The following NADK variants were observed in gnomAD, a reference collection of about 807,000 sequenced individuals.
NADK encodes the protein poly(P)/ATP NAD kinase.
Under a neutral mutation model 49.8 loss-of-function variants are expected in NADK, and 22 were observed. That is an observed-to-expected ratio of 0.44 (90% confidence interval 0.32 to 0.63). The LOEUF is 0.63. NADK is among the 30% of genes least tolerant of loss of function. NADK has a pLI of 0.06. For synonymous variants in NADK, 268 were observed against 253.7 expected, an observed-to-expected ratio of 1.06 and a Z score of -0.54; for missense variants, 438 against 609.4, an observed-to-expected ratio of 0.72 and a Z score of 2.96.
rs552575948 is a variant in NADK, at chr1:1,774,172, TAC to T, written c.-41+4115_-41+4116del. ...ATGTATGTGTGTGTGTGTATATATA[TAC>T]ACACACACACACACATATATATATA... On this transcript the variant is annotated intron_variant, in intron 1 of 11. Coordinates refer to ENST00000341426, the MANE Select transcript of NADK (RefSeq NM_023018.5). Among the ~76,000 whole-genome samples the T allele has an allele frequency of 6.6e-3, 986 of 150,330 alleles. 8 individuals carry two copies. The highest frequency in any genetic ancestry group is 0.011 in the Non-Finnish European group (732 of 67,534).
At chr1:1,776,013 T>C (rs1414385878) in intron 1 of NADK, among the ~76,000 whole-genome samples, 1 of 152,088 alleles carries the variant, frequency 6.6e-6, no homozygotes, top group Non-Finnish European at 1.5e-5. Context: ...GCCCTGTACC[T>C]TCCTGCCATG....
chr1:1,754,163 G>A lies in NADK; in HGVS notation c.989C>T (p.Ala330Val), dbSNP rs767646767. The change falls in exon 10 of 12, where the codon GCG (alanine) becomes GTG (valine). Residue 330 changes from alanine to valine, a missense_variant. Transcript: ENST00000341426. This position sits in a 1 kb window ranked among gnomAD's most constrained non-coding sequence, Gnocchi z 4.3. ...GGGGTGGATCATGGAGGCCCCGGCC[G>A]CGGCCGCATACGCCGTGCTGCCCGT... ...TPTGSTAYAA[A>V]AGASMIHPNV... 9 of 1,612,078 alleles carry A rather than the reference G, an allele frequency of 5.6e-6. No homozygotes were observed. The highest frequency in any genetic ancestry group is 1.1e-5 in the South Asian group (1 of 91,044).
rs1315467713 is a variant in NADK at position 1,752,662 on chromosome 1, G to C, written c.*242C>G. On this transcript the variant is annotated 3_prime_UTR_variant, in exon 12 of 12. Coordinates refer to ENST00000341426, the MANE Select transcript of NADK (RefSeq NM_023018.5). ...CCGCGCTCCAGGGACCCACCGCGGG[G>C]TGTCAGCAGGACAGAAGCACTCCCA... is the stretch of plus-strand genomic sequence containing the variant. 4.4e-6 allele frequency: 2 copies of C among 449,950 alleles called. No individual in the cohort carries two copies. The highest frequency in any genetic ancestry group is 7.9e-5 in the Admixed American group (2 of 25,230). The allele number at this position is 449,950 out of a possible 1,614,324, so 27.9% of individuals were successfully genotyped here.
rs182805281 is a variant in NADK at position 1,763,987 on chromosome 1, C to T, written c.179+1241G>A. Among the ~76,000 whole-genome samples the T allele has an allele frequency of 6.6e-5, 10 of 152,328 alleles. No homozygotes were observed. In the East Asian group the frequency reaches 1.9e-3, roughly 29 times the overall value. ...GCCTGGAGGTACAGGACAACGACCCCCACTGACAACGAGGCAACGAGGCAT... is the reference window on the plus strand; with the variant it reads ...GCCTGGAGGTACAGGACAACGACCCTCACTGACAACGAGGCAACGAGGCAT... On this transcript the variant is annotated intron_variant, in intron 2 of 11. Coordinates refer to ENST00000341426, the MANE Select transcript of NADK (RefSeq NM_023018.5).
In NADK at chr1:1,752,976, C is replaced by A. The variant is rs1557829324; in HGVS notation, c.1269G>T (p.Gln423His). 1 of 1,602,058 alleles carries A rather than the reference C, an allele frequency of 6.2e-7. No homozygotes were observed. The highest frequency in any genetic ancestry group is 8.5e-7 in the Non-Finnish European group (1 of 1,174,752). The change falls in exon 12 of 12, where the codon CAG becomes CAT. Residue 423 changes from glutamine (Q) to histidine (H), a missense_variant. Gln to His is a conservative substitution (Grantham distance 24). Coordinates refer to ENST00000341426, the MANE Select transcript of NADK (RefSeq NM_023018.5). ...TCTTCCGGACGTTCCAATGCAGGCA[C>A]TGGGCGAGGCTCTCAAACCAGTCGC... is the stretch of plus-strand genomic sequence containing the variant. ...PVSDWFESLAQCLHWNVRKKQ... is the reference protein window; with the variant it reads ...PVSDWFESLAHCLHWNVRKKQ...
intron 4 of NADK, 22 bp downstream of exon 4, chr1:1,757,159 C>CCTTCCCCCCTGCCCCG (rs1418500531): frequency 6.3e-7 from 1 of 1,599,824 alleles, no homozygotes; most frequent in Non-Finnish European, 8.5e-7. Context: ...CCCCAGGCCC[C>CCTTCCCCCCTGCCCCG]CTTCCCCCCT....
chr1:1,758,685 A>AC, intron 3 of NADK: 1 of 1,091,496 alleles, frequency 9.2e-7, no homozygotes, highest in Non-Finnish European at 1.2e-6. Context: ...CAAACAAAAC[A>AC]AAACAGTTTC....
intron 1 of NADK, among the ~76,000 whole-genome samples, chr1:1,770,319 A>T (rs1313172528): frequency 6.6e-6 from 1 of 152,218 alleles, no homozygotes; most frequent in Non-Finnish European, 1.5e-5. Context: ...GAAAAAAATA[A>T]AAGGTACAGT....
At chr1:1,777,025 C>T (rs574458931) in intron 1 of NADK, among the ~76,000 whole-genome samples, 1 of 152,230 alleles carries the variant, frequency 6.6e-6, no homozygotes, top group African/African-American at 2.4e-5. Context: ...TTACAGTGAG[C>T]TATAATCATG....
rs147892956 is a variant in NADK, at chr1:1,756,566, G to T, written c.436C>A (p.Pro146Thr). Residue 146 changes from proline to threonine, a missense_variant, in exon 5 of 12, where the codon CCT becomes ACT. Coordinates refer to ENST00000341426, the MANE Select transcript of NADK (RefSeq NM_023018.5). ...VYVEKKVLED[P>T]AIASDESFGA... The stretch of plus-strand genomic sequence containing the variant: ...AAGCTTTCATCGCTGGCGATGGCAG[G>T]GTCTTCTAGCACTTTCTTTTCCACA... 2 of 1,614,050 alleles carry T rather than the reference G, an allele frequency of 1.2e-6. No individual in the cohort carries two copies. The highest frequency in any genetic ancestry group is 8.5e-7 in the Non-Finnish European group (1 of 1,180,020).
At chr1:1,755,781 C>G (rs1016842295) in intron 6 of NADK, among the ~76,000 whole-genome samples, 20 of 152,148 alleles carry the variant, frequency 1.3e-4, no homozygotes, top group Non-Finnish European at 2.6e-4. Context: ...GGGTCGGAGC[C>G]TCGCGCCCCA....
At chr1:1,769,097 T>TC (rs1645969912) in intron 1 of NADK, among the ~76,000 whole-genome samples, 3 of 152,196 alleles carry the variant, frequency 2.0e-5, no homozygotes, top group Admixed American at 2.0e-4. Context: ...GACAGTACTG[T>TC]CCCAGTGGGT....
In NADK at chr1:1,778,108, C is replaced by A. The variant is rs756493435; in HGVS notation, c.-41+181G>T. Among the ~76,000 whole-genome samples the A allele has an allele frequency of 1.7e-4, 26 of 152,222 alleles. No individual in the cohort carries two copies. Among genetic ancestry groups the A allele is most frequent in the Non-Finnish European group, 3.4e-4 (23 of 68,036 alleles). On this transcript the variant is annotated intron_variant, in intron 1 of 11. Coordinates refer to ENST00000341426, the MANE Select transcript of NADK (RefSeq NM_023018.5). This position sits in a 1 kb window ranked among gnomAD's most constrained non-coding sequence, Gnocchi z 4.9. ...CCCCAAGGCCGAGCCTCGCCCTGGG[C>A]CGTGCTGGTGCCCCATTCGGGACGG...
intron 2 of NADK, among the ~76,000 whole-genome samples, chr1:1,762,574 G>A (rs919208780): frequency 6.6e-6 from 1 of 152,080 alleles, no homozygotes; most frequent in African/African-American, 2.4e-5. Context: ...TGGCCAACAT[G>A]GTGAAACCCC....
chr1:1,771,395 A>G (rs2100369234), intron 1 of NADK, among the ~76,000 whole-genome samples: 1 of 152,306 alleles, frequency 6.6e-6, no homozygotes, highest in African/African-American at 2.4e-5. Flanking sequence ...GGACAAGCTG[A>G]TAAAATTCAC....
In NADK at chr1:1,752,818, G is replaced by C; in HGVS notation, c.*86C>G. 5.4e-6 allele frequency: 8 copies of C among 1,474,930 alleles called. No homozygotes were observed. The Admixed American group carries it at 1.5e-4, about 28-fold the overall frequency. The allele number at this position is 1,474,930 out of a possible 1,614,324, so 91.4% of individuals were successfully genotyped here. A position where few individuals can be genotyped will look rare whatever the true frequency, so the allele number is the denominator to read the frequency against. The stretch of plus-strand genomic sequence containing the variant: ...GGAAGTGGCCGTGCCACTGAGACAG[G>C]CGGTCACAGACACACGCAGATTGGT... On this transcript the variant is annotated 3_prime_UTR_variant, in exon 12 of 12. Coordinates refer to ENST00000341426, the MANE Select transcript of NADK (RefSeq NM_023018.5).
intron 3 of NADK, 140 bp from the exon 4 acceptor site, chr1:1,757,450 C>T: frequency 1.4e-6 from 1 of 732,410 alleles, no homozygotes; most frequent in Admixed American, 2.5e-5. Context: ...GCCACGGGCT[C>T]ACAGGGCCTA....
intron 3 of NADK, chr1:1,759,672 G>A (rs1645652371): frequency 2.0e-6 from 3 of 1,500,132 alleles, no homozygotes; most frequent in East Asian, 2.5e-5. Flanking sequence ...CCCAGAGGGG[G>A]CGTGCTCCCA....
upstream of NADK, among the ~76,000 whole-genome samples, chr1:1,779,635 C>T (rs1041531897): frequency 6.6e-6 from 1 of 151,804 alleles, no homozygotes; most frequent in African/African-American, 2.4e-5. Flanking sequence ...GGTCCCGCCA[C>T]ACTCGACTAC....
Sources: gnomAD v4.1 joint callset for allele counts (sites outside exome capture counted in the v4.1 genomes callset) on GRCh38, gnomAD v4.1.1 for gene constraint, Gnocchi (gnomAD v3.1) non-coding constraint, MANE v1.5 for transcripts, NCBI Gene and HGNC (gene_info 2026-07-23, HGNC 2026-07-21) for gene names.